Variants in DLGAP2 observed in about 807,000 individuals in gnomAD.
DLGAP2 encodes DLG associated protein 2.
A neutral mutation model predicts 100.3 loss-of-function variants in DLGAP2; 26 were observed. The observed-to-expected ratio is 0.26, with a 90% confidence interval of 0.19 to 0.36. The LOEUF is 0.36. Among genes scored for constraint, DLGAP2 ranks in the 10% least tolerant of loss-of-function variants. The pLI is 1.00. For synonymous variants in DLGAP2, 886 were observed against 630.1 expected (o/e 1.41, Z -6.08); for missense variants, 1,858 against 1,453.2 (o/e 1.28, Z -4.53).
At chr8:999,965 G>C (rs1047341797) in intron 2 of DLGAP2, among the ~76,000 whole-genome samples, 30 of 149,262 alleles carry the variant, frequency 2.0e-4, no homozygotes, top group African/African-American at 7.1e-4. Context: ...AGAGCAGACA[G>C]ATCCGGGTGG....
intron 1 of DLGAP2, among the ~76,000 whole-genome samples, chr8:808,135 G>C (rs1208010240): frequency 6.6e-6 from 1 of 152,124 alleles, no homozygotes; most frequent in Non-Finnish European, 1.5e-5. Flanking sequence ...CAGGGTCGTC[G>C]GCACGTGGGT....
chr8:896,539 CT>C, intron 1 of DLGAP2, among the ~76,000 whole-genome samples: 1 of 152,110 alleles, frequency 6.6e-6, no homozygotes, highest in East Asian at 1.9e-4. Context: ...ATGTTGAAGC[CT>C]TGGTCCCCAG....
chr8:1,024,166 CA>C, intron 2 of DLGAP2, among the ~76,000 whole-genome samples: 4 of 108,260 alleles, frequency 3.7e-5, no homozygotes, highest in Admixed American at 1.1e-4. Flanking sequence ...ATCCACCACC[CA>C]CCCTCCCTGG....
chr8:1,174,283 CACCACCATCATCACCACCGTCATT>C (rs1359087684), intron 2 of DLGAP2, among the ~76,000 whole-genome samples: 4 of 151,862 alleles, frequency 2.6e-5, no homozygotes, highest in African/African-American at 9.7e-5. Flanking sequence ...CCACCATCAT[CACCACCATCATCACCACCGTCATT>C]ACCATTACCA....
chr8:1,537,455 A>G (rs1039174859), intron 4 of DLGAP2, among the ~76,000 whole-genome samples: 9 of 152,098 alleles, frequency 5.9e-5, no homozygotes, highest in Non-Finnish European at 1.2e-4. Context: ...TGATTCTCCC[A>G]TGCCTGCCAC....
At chr8:773,677 T>C (rs1821428381) in intron 1 of DLGAP2, among the ~76,000 whole-genome samples, 1 of 152,122 alleles carries the variant, frequency 6.6e-6, no homozygotes, top group African/African-American at 2.4e-5. Context: ...GGACATGAAC[T>C]CATCATTTTT....
At chr8:1,416,781 G>A (rs1385237875) in intron 3 of DLGAP2, among the ~76,000 whole-genome samples, 1 of 152,290 alleles carries the variant, frequency 6.6e-6, no homozygotes, top group East Asian at 1.9e-4. Context: ...GCCTGGGGGC[G>A]GAATGTGGCT....
At chr8:821,947 ACTT>A (rs1796591273) in intron 1 of DLGAP2, 4 of 391,062 alleles carry the variant, frequency 1.0e-5, no homozygotes, top group Non-Finnish European at 1.8e-5. Flanking sequence ...TTCTGTGCCT[ACTT>A]CTTCTTGCCA....
chr8:1,299,488 G>A (rs1373019457), intron 3 of DLGAP2, among the ~76,000 whole-genome samples: 1 of 152,202 alleles, frequency 6.6e-6, no homozygotes, highest in Non-Finnish European at 1.5e-5. Flanking sequence ...GGAATGCCAG[G>A]TTGCATGAGG....
chr8:1,367,086 C>T (rs1215328211), intron 3 of DLGAP2, among the ~76,000 whole-genome samples: 1 of 152,216 alleles, frequency 6.6e-6, no homozygotes, highest in Non-Finnish European at 1.5e-5. Flanking sequence ...ATTTACGTAG[C>T]AACCTTTCCA....
intron 3 of DLGAP2, among the ~76,000 whole-genome samples, chr8:1,271,274 C>A (rs1799577121): frequency 6.6e-6 from 1 of 152,160 alleles, no homozygotes; most frequent in Admixed American, 6.5e-5. Context: ...CTCCAGCCAG[C>A]GGTGTGACTT....
At chr8:879,783 T>G (rs927470383) in intron 1 of DLGAP2, among the ~76,000 whole-genome samples, 1 of 152,178 alleles carries the variant, frequency 6.6e-6, no homozygotes, top group Non-Finnish European at 1.5e-5. Context: ...GAACCATGTA[T>G]CTGGGCAGTG....
At chr8:798,437 A>G (rs28655024) in intron 1 of DLGAP2, among the ~76,000 whole-genome samples, 187 of 65,144 alleles carry the variant, frequency 2.9e-3, no homozygotes, top group Middle Eastern at 0.012. Flanking sequence ...GTTGATTCAG[A>G]ACCTGCAGCC....
intron 3 of DLGAP2, among the ~76,000 whole-genome samples, chr8:1,345,435 C>T (rs753269225): frequency 2.0e-5 from 3 of 152,302 alleles, no homozygotes; most frequent in East Asian, 1.9e-4. Flanking sequence ...AAATAAACTA[C>T]GTCTATGACA....
chr8:1,201,309 C>T (rs1005656530), intron 2 of DLGAP2, among the ~76,000 whole-genome samples: 2 of 152,198 alleles, frequency 1.3e-5, no homozygotes, highest in African/African-American at 2.4e-5. Flanking sequence ...GGTGTGAGGC[C>T]CTCAGCGACC....
chr8:1,354,052 G>T (rs1468710716), intron 3 of DLGAP2, among the ~76,000 whole-genome samples: 1 of 152,178 alleles, frequency 6.6e-6, no homozygotes, highest in Non-Finnish European at 1.5e-5. Context: ...ATGAATAGGT[G>T]CAGGCTTCAG....
chr8:1,296,068 T>A (rs1003481712), intron 3 of DLGAP2: 1 of 152,210 alleles, frequency 6.6e-6, no homozygotes, highest in African/African-American at 2.4e-5. Context: ...TGGCTTTACC[T>A]GCTGTTCGCC....
At chr8:1,319,616 G>C (rs1354508974) in intron 3 of DLGAP2, among the ~76,000 whole-genome samples, 1 of 152,212 alleles carries the variant, frequency 6.6e-6, no homozygotes, top group Non-Finnish European at 1.5e-5. Flanking sequence ...TCCATCAGCT[G>C]TGATGAGATG....
At chr8:846,979 T>G (rs936159676) in intron 1 of DLGAP2, among the ~76,000 whole-genome samples, 1 of 152,252 alleles carries the variant, frequency 6.6e-6, no homozygotes, top group Non-Finnish European at 1.5e-5. Flanking sequence ...GGTTTACTAC[T>G]AAGCTTATAT....
Sources: allele counts gnomAD v4.1 joint callset (sites outside exome capture counted in the v4.1 genomes callset), GRCh38; gene constraint gnomAD v4.1.1; transcripts MANE v1.5; gene names NCBI Gene and HGNC (gene_info 2026-07-23, HGNC 2026-07-21).